CCDC157: variants seen among roughly 807,000 people sequenced by gnomAD.
CCDC157 encodes coiled-coil domain-containing protein 157.
A neutral mutation model predicts 70.9 loss-of-function variants in CCDC157; 60 were observed. The ratio of observed to expected loss-of-function variants is 0.85; its 90% CI spans 0.69 to 1.05. The LOEUF (loss-of-function observed/expected upper bound fraction) is 1.05, where lower values mean the gene tolerates loss of function less well. Ranked by LOEUF, CCDC157 falls within the 50% of genes least tolerant of loss-of-function variation. CCDC157 has a pLI of 0.00. For missense variants in CCDC157, 943 were observed against 984.2 expected, an observed-to-expected ratio of 0.96 and a Z score of 0.56; for synonymous variants, 373 against 422.4, an observed-to-expected ratio of 0.88 and a Z score of 1.43.
chr22:30,357,082 G>C lies in CCDC157; in HGVS notation c.-216G>C, dbSNP rs1238378439. ...GGTGGCCGCAGGCGCACCGGGGGCA[G>C]TTCCGGGAGCCGACCAGACACGAAG... On this transcript the variant is annotated 5_prime_UTR_variant, in exon 1 of 12. Transcript: ENST00000338306. 1 of 336,312 alleles carries C rather than the reference G, an allele frequency of 3.0e-6. No individual in the cohort carries two copies. Among genetic ancestry groups the C allele is most frequent in the African/African-American group, 2.1e-5 (1 of 47,082 alleles). The allele number at this position is 336,312 out of a possible 1,614,324, so 20.8% of individuals were successfully genotyped here. A position where few individuals can be genotyped will look rare whatever the true frequency, so the allele number is the denominator to read the frequency against.
chr22:30,373,298 CTGTG>C (rs1933074597), intron 7 of CCDC157: 2 of 362,802 alleles, frequency 5.5e-6, no homozygotes, highest in South Asian at 8.6e-5. Flanking sequence ...CAAGTGGGGT[CTGTG>C]TATGACTGGA....
chr22:30,364,988 A>T (rs1243388758), intron 2 of CCDC157, among the ~76,000 whole-genome samples: 1 of 152,016 alleles, frequency 6.6e-6, no homozygotes, highest in African/African-American at 2.4e-5. Flanking sequence ...CTGAGTCATT[A>T]TTTGCCAGTG....
At chr22:30,375,714 G>A in intron 10 of CCDC157, 51 bp downstream of exon 10, 1 of 1,512,990 alleles carries the variant, frequency 6.6e-7, no homozygotes, top group Middle Eastern at 1.8e-4. Context: ...CCCCTATCCA[G>A]CAGCAGGTCT....
intron 3 of CCDC157, 25 bp downstream of exon 3, chr22:30,366,273 C>T (rs764107166): frequency 6.2e-7 from 1 of 1,611,764 alleles, no homozygotes; most frequent in Non-Finnish European, 8.5e-7. Context: ...CAAGCCTGGT[C>T]ATCTCAGGAT....
At chr22:30,360,283 C>G (rs1384722580) in intron 1 of CCDC157, among the ~76,000 whole-genome samples, 2 of 152,068 alleles carry the variant, frequency 1.3e-5, no homozygotes, top group Non-Finnish European at 2.9e-5. Flanking sequence ...GCGGGCAGAT[C>G]ACAAGGTCAG....
intron 7 of CCDC157, 171 bp downstream of exon 7, chr22:30,372,457 TG>T (rs1462945889): frequency 6.2e-6 from 6 of 962,784 alleles, no homozygotes; most frequent in Non-Finnish European, 8.9e-6. Flanking sequence ...AACCAGGCAC[TG>T]GGGGAACAGT....
In CCDC157 at chr22:30,366,225, G is replaced by A. The variant is rs779274704; in HGVS notation, c.225G>A (p.Val75=). The part of the protein sequence containing the change: ...DPEFTQLSHA[V]LLELVIDRLL... ...AGTTCACGCAGCTGTCCCATGCCGT[G>A]CTGCTGGAGCTGGTCATCGACAGGT... Residue 75 remains valine, a synonymous_variant, in exon 3 of 12, where the codon GTG becomes GTA. Transcript: ENST00000338306. The A allele has an allele frequency of 6.2e-7, 1 of 1,613,668 alleles. No homozygotes were observed. The highest frequency in any genetic ancestry group is 8.5e-7 in the Non-Finnish European group (1 of 1,179,996).
intron 4 of CCDC157, 41 bp downstream of exon 4, chr22:30,369,644 T>C: frequency 1.4e-6 from 2 of 1,423,728 alleles, no homozygotes; most frequent in Middle Eastern, 2.5e-4. Context: ...AGCCTCAGCC[T>C]CTATCTCCCC....
At chr22:30,356,838 G>A (rs546118639), upstream of CCDC157, 104 of 1,299,350 alleles carry the variant, frequency 8.0e-5, no homozygotes, top group South Asian at 1.4e-3. Flanking sequence ...GTCGGTGAGC[G>A]GTGCCGCCTC....
rs551017563 is a variant in CCDC157 at position 30,377,966 on chromosome 22, C to T, written c.*1221C>T. ...TGAAATTGAGGCATCTACCAGGTTG[C>T]GTTCCTTTCTGCCGGTTCTGGGGAA... is the stretch of plus-strand genomic sequence containing the variant. On this transcript the variant is annotated 3_prime_UTR_variant, in exon 12 of 12. Coordinates refer to ENST00000338306, the MANE Select transcript of CCDC157 (RefSeq NM_001017437.5). The T allele has an allele frequency of 3.5e-5, 13 of 372,270 alleles. No individual in the cohort carries two copies. The highest frequency in any genetic ancestry group is 8.4e-5 in the African/African-American group (4 of 47,380). The allele number at this position is 372,270 out of a possible 1,614,324, so 23.1% of individuals were successfully genotyped here. A position where few individuals can be genotyped will look rare whatever the true frequency, so the allele number is the denominator to read the frequency against.
rs1933455553 is a variant in CCDC157 at position 30,378,277 on chromosome 22, T to C, written c.*1532T>C. 1 of 405,866 alleles carries C rather than the reference T, an allele frequency of 2.5e-6. No homozygotes were observed. Among genetic ancestry groups the C allele is most frequent in the Non-Finnish European group, 5.2e-6 (1 of 193,670 alleles). The allele number at this position is 405,866 out of a possible 1,614,324, so 25.1% of individuals were successfully genotyped here. A position where few individuals can be genotyped will look rare whatever the true frequency, so the allele number is the denominator to read the frequency against. On this transcript the variant is annotated 3_prime_UTR_variant, in exon 12 of 12. Transcript: ENST00000338306. ...GGTTAGGGCAAGGCTCACACTCAAA[T>C]ACTTTCCCTATCTTCAGGTCAGCTT...
intron 1 of CCDC157, among the ~76,000 whole-genome samples, chr22:30,361,304 G>C (rs533697094): frequency 6.6e-6 from 1 of 151,248 alleles, no homozygotes; most frequent in African/African-American, 2.4e-5. Flanking sequence ...ATGAGGGAGG[G>C]CATGGATTTA....
intron 5 of CCDC157, 23 bp downstream of exon 5, chr22:30,370,973 G>T (rs765520285): frequency 6.3e-7 from 1 of 1,591,538 alleles, no homozygotes; most frequent in Non-Finnish European, 8.6e-7. Context: ...GAGGCCAGAC[G>T]CCTGGTGCCC....
Position 30,372,289 on chromosome 22 carries a change from G to T in CCDC157, c.1335+3G>T. 3 of 1,559,546 alleles carry T rather than the reference G, an allele frequency of 1.9e-6. No individual in the cohort carries two copies. Among genetic ancestry groups the T allele is most frequent in the Non-Finnish European group, 2.6e-6 (3 of 1,156,766 alleles). On this transcript the variant is annotated splice_donor_region_variant and intron_variant, in intron 7 of 11. Transcript: ENST00000338306. Reference sequence around the variant, plus strand: ...ACAGCATGGTCCGCCACCAGGAGGTGAGGCCAGGGCCCTCGCTAGCCTGGG... The same window carrying T: ...ACAGCATGGTCCGCCACCAGGAGGTTAGGCCAGGGCCCTCGCTAGCCTGGG...
At position 30,373,970 on chromosome 22, in the gene CCDC157, G is replaced by A. The variant is rs547503645; in HGVS notation, c.1551G>A (p.Ala517=). 6.6e-5 allele frequency: 106 copies of A among 1,612,990 alleles called. 1 individual carries two copies. The African/African-American group carries it at 1.1e-3, about 16-fold the overall frequency. ...GGGAGAAGCAAGGCCTGGAGCAGGC[G>A]ACTACGGACCTGCGGCTAACCATCC... The part of the protein sequence containing the change: ...LQREKQGLEQ[A]TTDLRLTILE... Residue 517 remains alanine, a synonymous_variant, in exon 9 of 12, where the codon GCG becomes GCA. Coordinates refer to ENST00000338306, the MANE Select transcript of CCDC157 (RefSeq NM_001017437.5).
rs1933358883 is a variant in CCDC157 at position 30,376,306 on chromosome 22, G to A, written c.1905G>A (p.Gln635=). The change falls in exon 11 of 12, where the codon CAG becomes CAA. Residue 635 remains glutamine, a synonymous_variant. Transcript: ENST00000338306. ...GGTCCCCTTCCAGCAAGGGAACCCA[G>A]GGAGCAACACCACCAGTCCAGGCCA... is the stretch of plus-strand genomic sequence containing the variant. ...RLWSPSSKGT[Q]GATPPVQAKS... is the part of the protein sequence containing the mutation. 2 of 1,607,620 alleles carry A rather than the reference G, an allele frequency of 1.2e-6. No homozygotes were observed. Among genetic ancestry groups the A allele is most frequent in the Non-Finnish European group, 8.5e-7 (1 of 1,176,908 alleles).
intron 3 of CCDC157, chr22:30,368,986 A>G (rs1443694113): frequency 6.5e-6 from 1 of 152,906 alleles, no homozygotes; most frequent in East Asian, 1.9e-4. Flanking sequence ...GACTGTGCAC[A>G]CTCCCTGCTC....
chr22:30,372,292 G>A lies in CCDC157; in HGVS notation c.1335+6G>A. On this transcript the variant is annotated splice_donor_region_variant and intron_variant, in intron 7 of 11. Coordinates refer to ENST00000338306, the MANE Select transcript of CCDC157 (RefSeq NM_001017437.5). ...GCATGGTCCGCCACCAGGAGGTGAG[G>A]CCAGGGCCCTCGCTAGCCTGGGCAT... is the stretch of plus-strand genomic sequence containing the variant. 6.4e-7 allele frequency: 1 copy of A among 1,550,518 alleles called. No homozygotes were observed. Among genetic ancestry groups the A allele is most frequent in the Non-Finnish European group, 8.7e-7 (1 of 1,152,144 alleles).
chr22:30,374,292 C>A, intron 9 of CCDC157: 1 of 664,720 alleles, frequency 1.5e-6, no homozygotes, highest in Non-Finnish European at 2.7e-6. Context: ...TAGACAGGGA[C>A]GTGAAAGCCC....
Sources: allele counts gnomAD v4.1 joint callset (sites outside exome capture counted in the v4.1 genomes callset), GRCh38; gene constraint gnomAD v4.1.1; transcripts MANE v1.5; gene names NCBI Gene and HGNC (gene_info 2026-07-23, HGNC 2026-07-21).